The following COL5A2 variants were observed in gnomAD, a reference collection of about 807,000 sequenced individuals.
COL5A2 encodes collagen type V alpha 2 chain.
A neutral mutation model predicts 208.2 loss-of-function variants in COL5A2; 23 were observed. The ratio of observed to expected loss-of-function variants is 0.11; its 90% confidence interval spans 0.08 to 0.16. The LOEUF (loss-of-function observed/expected upper bound fraction) is 0.16. Ranked by LOEUF, COL5A2 falls within the 10% of genes least tolerant of loss-of-function variation. The probability of loss-of-function intolerance (pLI) is 1.00; values close to 1 mark genes in which losing one functional copy is unlikely to be tolerated. For synonymous variants in COL5A2, 625 were observed against 628.5 expected (o/e 0.99, Z 0.08); for missense variants, 1,590 against 1,956.4 (o/e 0.81, Z 3.53).
intron 18 of COL5A2, among the ~76,000 whole-genome samples, chr2:189,070,032 C>T (rs1041021794): frequency 3.3e-5 from 5 of 152,158 alleles, no homozygotes; most frequent in African/African-American, 1.2e-4. Context: ...AACTTAATAG[C>T]TCCCTTTATT....
At chr2:189,041,466 T>A in intron 50 of COL5A2, 120 bp downstream of exon 50, 2 of 800,910 alleles carry the variant, frequency 2.5e-6, no homozygotes, top group Middle Eastern at 4.7e-4. Flanking sequence ...GTGTGACTTC[T>A]ACGTTTGTTT....
At chr2:189,184,910 C>G (rs182379731) in intron 1 of COL5A2, among the ~76,000 whole-genome samples, 1 of 152,038 alleles carries the variant, frequency 6.6e-6, no homozygotes, top group African/African-American at 2.4e-5. Context: ...AGATTAGACA[C>G]GAGGTTTATC....
the COL5A2 span, among the ~76,000 whole-genome samples, chr2:189,384,269 T>G: frequency 6.6e-6 from 1 of 152,160 alleles, no homozygotes; most frequent in Non-Finnish European, 1.5e-5. Flanking sequence ...GGATGTATAC[T>G]CAGCAGTAGG....
At chr2:189,176,020 T>C (rs902760653) in intron 1 of COL5A2, among the ~76,000 whole-genome samples, 3 of 152,240 alleles carry the variant, frequency 2.0e-5, no homozygotes, top group Non-Finnish European at 4.4e-5. Flanking sequence ...TTATACATAT[T>C]CTGTACCTCC....
intron 1 of COL5A2, among the ~76,000 whole-genome samples, chr2:189,143,889 T>C: frequency 6.6e-6 from 1 of 152,178 alleles, no homozygotes; most frequent in East Asian, 1.9e-4. Context: ...TGGTATATCA[T>C]ACGTATTATG....
At chr2:189,376,310 C>T in the COL5A2 span, among the ~76,000 whole-genome samples, 3 of 152,134 alleles carry the variant, frequency 2.0e-5, no homozygotes, top group South Asian at 4.1e-4. Flanking sequence ...TCACCAAGTA[C>T]ATTTATGTCT....
At chr2:189,312,701 A>T in the COL5A2 span, among the ~76,000 whole-genome samples, 3 of 151,998 alleles carry the variant, frequency 2.0e-5, no homozygotes, top group Non-Finnish European at 4.4e-5. Context: ...ACAAGTTTGT[A>T]CCTCCCTGAG....
chr2:189,085,791 T>A lies in COL5A2; in HGVS notation c.691-19A>T. On this transcript the variant is annotated intron_variant, in intron 9 of 53. Coordinates refer to ENST00000374866, the MANE Select transcript of COL5A2 (RefSeq NM_000393.5). The stretch of plus-strand genomic sequence containing the variant: ...CACCACCCTACAGTTGAAAACAAAG[T>A]ATATATACAAACCAAGGAAAAATAG... The A allele has an allele frequency of 1.2e-6, 2 of 1,600,226 alleles. No individual in the cohort carries two copies. The highest frequency in any genetic ancestry group is 1.7e-6 in the Non-Finnish European group (2 of 1,167,580).
At position 189,102,025 on chromosome 2, in the gene COL5A2, G is replaced by T. The variant is rs528536090; in HGVS notation, c.337-1886C>A. Among the ~76,000 whole-genome samples, 79 of 152,080 alleles carry T rather than the reference G, an allele frequency of 5.2e-4. 1 individual carries two copies. Among genetic ancestry groups the T allele is most frequent in the Middle Eastern group, 6.8e-3 (2 of 294 alleles). On this transcript the variant is annotated intron_variant, in intron 3 of 53. Transcript: ENST00000374866. Reference sequence around the variant, plus strand: ...TAACCATGTAAGAGCTATAATAAAAGATATTTTTCAAAATGCTGAAAGAAT... The same window carrying T: ...TAACCATGTAAGAGCTATAATAAAATATATTTTTCAAAATGCTGAAAGAAT...
intron 1 of COL5A2, among the ~76,000 whole-genome samples, chr2:189,156,463 C>T (rs928633040): frequency 6.6e-5 from 10 of 152,008 alleles, no homozygotes; most frequent in Admixed American, 6.6e-5. Context: ...TAATATATTA[C>T]TTTTTCACAA....
the COL5A2 span, among the ~76,000 whole-genome samples, chr2:189,247,366 G>A: frequency 6.6e-6 from 1 of 152,068 alleles, no homozygotes; most frequent in African/African-American, 2.4e-5. Context: ...CCCAAAAGAA[G>A]CCCTGTGGTT....
chr2:189,378,520 C>T, the COL5A2 span, among the ~76,000 whole-genome samples: 3 of 151,984 alleles, frequency 2.0e-5, no homozygotes. Context: ...GTCAAGAGAT[C>T]GAGACCATCA....
the COL5A2 span, among the ~76,000 whole-genome samples, chr2:189,419,934 G>GAGGAA: frequency 2.1e-5 from 3 of 139,640 alleles, no homozygotes; most frequent in African/African-American, 5.3e-5. Context: ...GAGGGGAGGA[G>GAGGAA]AGGAAAGGAA....
At chr2:189,203,950 T>A (rs1297143733) in intron 1 of COL5A2, among the ~76,000 whole-genome samples, 1 of 151,734 alleles carries the variant, frequency 6.6e-6, no homozygotes, top group South Asian at 2.1e-4. Context: ...CAGGCTGGAG[T>A]GCAGTGGCGC....
the COL5A2 span, among the ~76,000 whole-genome samples, chr2:189,322,261 A>G: frequency 2.0e-5 from 3 of 152,328 alleles, no homozygotes; most frequent in East Asian, 3.9e-4. Context: ...CATCACAATT[A>G]AAAGAACTAG....
the COL5A2 span, among the ~76,000 whole-genome samples, chr2:189,255,043 G>A: frequency 4.6e-5 from 7 of 152,088 alleles, no homozygotes; most frequent in African/African-American, 7.2e-5. Context: ...GCACATAGAC[G>A]GCAAAAGCAA....
At position 189,063,769 on chromosome 2, in the gene COL5A2, C is replaced by T. The variant is rs1684513079; in HGVS notation, c.1770+211G>A. Among the ~76,000 whole-genome samples the T allele has an allele frequency of 3.3e-5, 5 of 152,158 alleles. No individual in the cohort carries two copies. The South Asian group carries it at 1.0e-3, about 31-fold the overall frequency. On this transcript the variant is annotated intron_variant, in intron 26 of 53. Coordinates refer to ENST00000374866, the MANE Select transcript of COL5A2 (RefSeq NM_000393.5). ...ACTGATGTCAGGCAGGGAAGCAATT[C>T]AATCTCAAATATTTATCTTAGTAAA...
At chr2:189,134,418 G>A (rs564546748) in intron 1 of COL5A2, among the ~76,000 whole-genome samples, 21 of 152,192 alleles carry the variant, frequency 1.4e-4, no homozygotes, top group South Asian at 6.2e-4. Flanking sequence ...GCGAAACCCC[G>A]TCTCCACTAA....
At chr2:189,230,420 A>G in the COL5A2 span, among the ~76,000 whole-genome samples, 2 of 151,896 alleles carry the variant, frequency 1.3e-5, no homozygotes, top group Admixed American at 6.6e-5. Context: ...TGCAAATTAT[A>G]TATCTGATCA....
Sources: allele counts gnomAD v4.1 joint callset (sites outside exome capture counted in the v4.1 genomes callset), GRCh38; gene constraint gnomAD v4.1.1; transcripts MANE v1.5; gene names NCBI Gene and HGNC (gene_info 2026-07-23, HGNC 2026-07-21).